RTN4: variants seen among roughly 807,000 people sequenced by gnomAD.
The protein encoded by RTN4 is reticulon-4.
In RTN4, 32 loss-of-function variants were observed where a neutral mutation model predicts 90.4. The ratio of observed to expected loss-of-function variants is 0.35; its 90% CI spans 0.27 to 0.48. The LOEUF (loss-of-function observed/expected upper bound fraction) is 0.48, where lower values mean the gene tolerates loss of function less well. Ranked by LOEUF, RTN4 falls within the 20% of genes least tolerant of loss-of-function variation. The pLI, the probability that RTN4 is intolerant of heterozygous loss-of-function variation, is 0.99. For missense variants in RTN4, 1,706 were observed against 1,430.2 expected, an observed-to-expected ratio of 1.19 and a Z score of -3.11; for synonymous variants, 629 against 552.5, an observed-to-expected ratio of 1.14 and a Z score of -1.94.
chr2:54,987,764 T>C (rs1678684182), intron 3 of RTN4, 66 bp from the exon 4 acceptor site: 2 of 1,392,738 alleles, frequency 1.4e-6, no homozygotes, highest in East Asian at 5.0e-5. Flanking sequence ...GCTCCATCTA[T>C]GAAAACAAAA....
the RTN4 span, among the ~76,000 whole-genome samples, chr2:55,128,095 C>T: frequency 3.9e-5 from 6 of 152,112 alleles, no homozygotes; most frequent in African/African-American, 1.4e-4. Context: ...TCTTAAACTA[C>T]TGGGCCTCCC....
At position 55,004,122 on chromosome 2, in the gene RTN4, T is replaced by A. The variant is rs1448630067; in HGVS notation, c.3014-16424A>T. On this transcript the variant is annotated intron_variant, in intron 3 of 8. Coordinates refer to ENST00000337526, the MANE Select transcript of RTN4 (RefSeq NM_020532.5). ...GAGAACTCCCACTAGGTTTAACCTT[T>A]TGACAATACCTGTACTAAATGACTA... Among the ~76,000 whole-genome samples the A allele has an allele frequency of 2.6e-5, 4 of 152,178 alleles. No homozygotes were observed. In the East Asian group the frequency reaches 5.8e-4, roughly 22 times the overall value.
chr2:55,040,838 C>A (rs1040494991), intron 1 of RTN4, among the ~76,000 whole-genome samples: 1 of 151,698 alleles, frequency 6.6e-6, no homozygotes, highest in Non-Finnish European at 1.5e-5. Context: ...TATTGAACTT[C>A]CAAGAGACCA....
intron 1 of RTN4, among the ~76,000 whole-genome samples, chr2:55,094,351 T>G (rs752514488): frequency 6.6e-6 from 1 of 152,214 alleles, no homozygotes; most frequent in Non-Finnish European, 1.5e-5. Context: ...GTTGTTGAAG[T>G]CACCCAGGCT....
rs144124129 is a variant in RTN4 at position 55,086,427 on chromosome 2, A to G, written c.-213-5788T>C. 1.2e-4 allele frequency among the ~76,000 whole-genome samples: 19 copies of G among 152,128 alleles called. No homozygotes were observed. The East Asian group carries it at 3.7e-3, about 29-fold the overall frequency. ...TGTAATCCCAGAACGTTGGGAGGCC[A>G]AGGCAGGAGGATTGTTTGTGCCCAG... is the stretch of plus-strand genomic sequence containing the variant. On this transcript the variant is annotated intron_variant, in intron 1 of 3. Coordinates refer to the RTN4 transcript ENST00000427710.
At position 55,026,526 on chromosome 2, in the gene RTN4, A is replaced by G; in HGVS notation, c.1573T>C (p.Ser525Pro). The G allele has an allele frequency of 1.2e-6, 2 of 1,613,906 alleles. No individual in the cohort carries two copies. The highest frequency in any genetic ancestry group is 1.7e-6 in the Non-Finnish European group (2 of 1,179,934). The part of the protein sequence containing the change: ...SNPFLVAAQD[S>P]ETDYVTTDNL... Reference sequence around the variant, plus strand: ...TCTGTTGTGACATAATCTGTCTCAGAATCCTGTGCTGCTACAAGAAAAGGG... The same window carrying G: ...TCTGTTGTGACATAATCTGTCTCAGGATCCTGTGCTGCTACAAGAAAAGGG... Residue 525 changes from serine to proline, a missense_variant, in exon 3 of 9, where the codon TCT becomes CCT. By Grantham distance (74) the Ser-to-Pro change is moderately conservative. Transcript: ENST00000337526.
upstream of RTN4, among the ~76,000 whole-genome samples, chr2:55,115,901 T>G (rs548832898): frequency 1.3e-5 from 2 of 152,286 alleles, no homozygotes; most frequent in South Asian, 4.1e-4. Context: ...AACATTTTGA[T>G]GACTCAGTGC....
intron 3 of RTN4, among the ~76,000 whole-genome samples, chr2:55,007,946 A>T (rs986233849): frequency 6.6e-6 from 1 of 152,052 alleles, no homozygotes; most frequent in East Asian, 1.9e-4. Context: ...ATTCCTTCCT[A>T]TTTTAAGCTC....
Position 54,982,619 on chromosome 2 carries a change from C to G in RTN4, c.3256G>C (p.Glu1086Gln), listed in dbSNP as rs776220054. ...GAATTACTGTACTTCTGAACCAACTCCTCAGATATAGCAACTTCAGATTCC... is the reference window on the plus strand; with the variant it reads ...GAATTACTGTACTTCTGAACCAACTGCTCAGATATAGCAACTTCAGATTCC... The part of the protein sequence containing the change: ...YLESEVAISE[E>Q]LVQKYSNSAL... Residue 1086 changes from glutamate to glutamine, a missense_variant, in exon 5 of 9, where the codon GAG (glutamate) becomes CAG (glutamine). Coordinates refer to ENST00000337526, the MANE Select transcript of RTN4 (RefSeq NM_020532.5). The G allele has an allele frequency of 1.1e-5, 17 of 1,612,330 alleles. No homozygotes were observed. Among genetic ancestry groups the G allele is most frequent in the Non-Finnish European group, 1.4e-5 (16 of 1,179,292 alleles).
chr2:55,041,531 T>C (rs1683076176), intron 1 of RTN4, among the ~76,000 whole-genome samples: 1 of 151,864 alleles, frequency 6.6e-6, no homozygotes, highest in African/African-American at 2.4e-5. Context: ...GACAGATAAA[T>C]GGAAAAGCAG....
intron 2 of RTN4, among the ~76,000 whole-genome samples, chr2:55,072,793 T>C (rs1413353572): frequency 6.6e-6 from 1 of 152,224 alleles, no homozygotes; most frequent in African/African-American, 2.4e-5. Context: ...AATCTCTAAC[T>C]ATAAGGATCA....
upstream of RTN4, among the ~76,000 whole-genome samples, chr2:55,055,779 A>C (rs1240412878): frequency 6.6e-6 from 1 of 151,584 alleles, no homozygotes; most frequent in Non-Finnish European, 1.5e-5. Context: ...CAAAAAAAAA[A>C]ACAAAAAAAA....
intron 5 of RTN4, among the ~76,000 whole-genome samples, chr2:54,976,784 A>T (rs1482547797): frequency 1.3e-5 from 2 of 152,210 alleles, no homozygotes; most frequent in Non-Finnish European, 2.9e-5. Context: ...CACTTTAAAG[A>T]AGCAAACAGG....
At chr2:55,090,498 G>A (rs910519958) in intron 1 of RTN4, among the ~76,000 whole-genome samples, 3 of 152,152 alleles carry the variant, frequency 2.0e-5, no homozygotes, top group Non-Finnish European at 4.4e-5. Flanking sequence ...GTCCCTAAAC[G>A]GAGCCAATTC....
Position 55,026,230 on chromosome 2 carries a change from T to C in RTN4, c.1869A>G (p.Ala623=). 1 of 1,613,818 alleles carries C rather than the reference T, an allele frequency of 6.2e-7. No homozygotes were observed. The highest frequency in any genetic ancestry group is 1.6e-4 in the Middle Eastern group (1 of 6,062). Residue 623 remains alanine (A), a synonymous_variant, in exon 3 of 9, where the codon GCA becomes GCG. Transcript: ENST00000337526. The stretch of plus-strand genomic sequence containing the variant: ...TCACGGAAGCACCAGCACTAGGAAC[T>C]GCAGAATTCAATGGTGCTTCCATAA... ...DIVMEAPLNS[A]VPSAGASVIQ... is the part of the protein sequence containing the mutation.
chr2:55,133,957 G>T, the RTN4 span, among the ~76,000 whole-genome samples: 5 of 152,132 alleles, frequency 3.3e-5, no homozygotes, highest in African/African-American at 1.2e-4. Context: ...GCTGCTGGTT[G>T]GCTATTTTGA....
chr2:55,120,360 G>A, the RTN4 span, among the ~76,000 whole-genome samples: 454 of 152,248 alleles, frequency 3.0e-3, 2 homozygotes, highest in Middle Eastern at 0.014. Flanking sequence ...ACTCCTGGCT[G>A]GGCACCCTGG....
At chr2:55,056,067 G>A (rs989808749) in intron 2 of RTN4, among the ~76,000 whole-genome samples, 4 of 151,570 alleles carry the variant, frequency 2.6e-5, no homozygotes, top group South Asian at 2.1e-4. Context: ...TTCACTTTCC[G>A]TGGTCTTAGT....
chr2:55,033,227 G>C (rs760256588), intron 1 of RTN4, among the ~76,000 whole-genome samples: 1 of 152,004 alleles, frequency 6.6e-6, no homozygotes, highest in Non-Finnish European at 1.5e-5. Context: ...CCTAAAAACA[G>C]TCAGAGGAAA....
Sources: gnomAD v4.1 joint callset for allele counts (sites outside exome capture counted in the v4.1 genomes callset) on GRCh38, gnomAD v4.1.1 for gene constraint, MANE v1.5 for transcripts, NCBI Gene and HGNC (gene_info 2026-07-23, HGNC 2026-07-21) for gene names.